Variants in PTPRG observed in about 807,000 individuals in gnomAD.
The protein encoded by PTPRG is receptor-type tyrosine-protein phosphatase gamma.
Under a neutral mutation model 165.3 loss-of-function variants are expected in PTPRG, and 102 were observed. That is an observed-to-expected ratio of 0.62 (90% confidence interval 0.53 to 0.73). PTPRG has a LOEUF of 0.73. PTPRG is among the 30% of genes least tolerant of loss of function. The probability of loss-of-function intolerance (pLI) is 0.00; values close to 1 mark genes in which losing one functional copy is unlikely to be tolerated. For missense variants in PTPRG, 1,866 were observed against 1,861.4 expected (o/e 1.00, Z -0.05); for synonymous variants, 675 against 669.5 (o/e 1.01, Z -0.13).
chr3:62,218,733 C>A, intron 12 of PTPRG, 118 bp from the exon 13 acceptor site: 2 of 1,350,082 alleles, frequency 1.5e-6, no homozygotes, highest in Non-Finnish European at 2.0e-6. Flanking sequence ...TGGGGCAGCT[C>A]AGAGCAAATG....
intron 5 of PTPRG, among the ~76,000 whole-genome samples, chr3:62,132,096 C>T (rs1366791161): frequency 3.9e-5 from 6 of 152,154 alleles, no homozygotes; most frequent in Admixed American, 2.6e-4. Context: ...TCTCTCCCCT[C>T]CTCTTCTGCT....
chr3:61,716,386 G>A (rs1181252481), intron 1 of PTPRG, among the ~76,000 whole-genome samples: 1 of 152,046 alleles, frequency 6.6e-6, no homozygotes, highest in Non-Finnish European at 1.5e-5. Context: ...TTATTACAAA[G>A]CAAAGACAAA....
At chr3:62,235,786 A>G (rs954403614) in intron 14 of PTPRG, among the ~76,000 whole-genome samples, 1 of 152,090 alleles carries the variant, frequency 6.6e-6, no homozygotes, top group South Asian at 2.1e-4. Flanking sequence ...TCGTTTTAGT[A>G]TCTGTTTCCT....
intron 1 of PTPRG, among the ~76,000 whole-genome samples, chr3:61,722,164 T>G (rs2032074678): frequency 6.6e-6 from 1 of 152,232 alleles, no homozygotes; most frequent in South Asian, 2.1e-4. Flanking sequence ...GTGAGGGCTT[T>G]CTTGCTCTGT....
chr3:61,661,332 T>A (rs113972252), intron 1 of PTPRG, among the ~76,000 whole-genome samples: 1,560 of 133,474 alleles, frequency 0.012, 18 homozygotes, highest in South Asian at 0.027. Context: ...TTTTTTTTTT[T>A]AAATTTTTAA....
intron 2 of PTPRG, among the ~76,000 whole-genome samples, chr3:61,854,036 C>T (rs539865240): frequency 3.3e-5 from 5 of 152,268 alleles, no homozygotes; most frequent in Admixed American, 6.5e-5. Flanking sequence ...CTCAGAGGAA[C>T]CGGTGGCCAT....
chr3:61,904,824 A>G (rs969047833), intron 2 of PTPRG, among the ~76,000 whole-genome samples: 1 of 152,262 alleles, frequency 6.6e-6, no homozygotes, highest in South Asian at 2.1e-4. Flanking sequence ...TCAGCCCAGT[A>G]ATTTTACCCT....
At chr3:61,966,715 T>C (rs917087579) in intron 2 of PTPRG, among the ~76,000 whole-genome samples, 9 of 152,104 alleles carry the variant, frequency 5.9e-5, no homozygotes, top group African/African-American at 2.2e-4. Context: ...GTGGGAACAA[T>C]GGGAAGCCAA....
Position 62,252,206 on chromosome 3 carries a change from T to A in PTPRG, c.2468-2918T>A, listed in dbSNP as rs1701434810. Among the ~76,000 whole-genome samples, 1 of 152,196 alleles carries A rather than the reference T, an allele frequency of 6.6e-6. No homozygotes were observed. Among genetic ancestry groups the A allele is most frequent in the African/African-American group, 2.4e-5 (1 of 41,458 alleles). Reference sequence around the variant, plus strand: ...TAGTCTTTATCACATAATTACACTGTTCTTGCTCTCCCTTGTGTTCATCTC... The same window carrying A: ...TAGTCTTTATCACATAATTACACTGATCTTGCTCTCCCTTGTGTTCATCTC... On this transcript the variant is annotated intron_variant, in intron 15 of 29. Coordinates refer to ENST00000474889, the MANE Select transcript of PTPRG (RefSeq NM_002841.4). This position sits in a 1 kb window ranked among gnomAD's most constrained non-coding sequence, Gnocchi z 4.6.
At chr3:61,565,179 A>G (rs1699876789) in intron 1 of PTPRG, among the ~76,000 whole-genome samples, 1 of 152,188 alleles carries the variant, frequency 6.6e-6, no homozygotes, top group South Asian at 2.1e-4. Context: ...CAGCCCTGGC[A>G]TGAGCTTTTT....
chr3:61,600,186 A>ATGTGTG lies in PTPRG; in HGVS notation c.85+37815_85+37816insGTGTGT, dbSNP rs1189934671. Among the ~76,000 whole-genome samples the ATGTGTG allele has an allele frequency of 3.7e-4, 43 of 116,062 alleles. 1 individual carries two copies. The South Asian group carries it at 0.01, about 27-fold the overall frequency. The allele number at this position is 116,062 out of a possible 152,430, so 76.1% of individuals were successfully genotyped here. On this transcript the variant is annotated intron_variant, in intron 1 of 29. Coordinates refer to ENST00000474889, the MANE Select transcript of PTPRG (RefSeq NM_002841.4). Reference sequence around the variant, plus strand: ...AAAAAAAAAAAAAATATATATATATATATATATGTGTGTGTGTGTGTGTGT... The same window carrying ATGTGTG: ...AAAAAAAAAAAAAATATATATATATATGTGTGTATATATGTGTGTGTGTGTGTGTGT...
At chr3:62,291,982 T>A (rs1277652634) in intron 28 of PTPRG, among the ~76,000 whole-genome samples, 1 of 152,182 alleles carries the variant, frequency 6.6e-6, no homozygotes, top group African/African-American at 2.4e-5. Context: ...TTTTTAAATT[T>A]TTCATATTCT....
chr3:61,739,026 T>A (rs2032881614), intron 1 of PTPRG: 2 of 142,394 alleles, frequency 1.4e-5, no homozygotes, highest in Non-Finnish European at 3.0e-5. Context: ...GGTCTTGCTT[T>A]GTTGCCTAGA....
chr3:62,272,022 T>A (rs964889832), intron 21 of PTPRG, among the ~76,000 whole-genome samples: 15 of 151,720 alleles, frequency 9.9e-5, no homozygotes, highest in Admixed American at 2.0e-4. Flanking sequence ...TTGAACCCAG[T>A]AGGTCAAGGC....
intron 2 of PTPRG, among the ~76,000 whole-genome samples, chr3:61,910,741 C>G (rs542555521): frequency 2.1e-4 from 32 of 152,238 alleles, no homozygotes; most frequent in African/African-American, 6.3e-4. Flanking sequence ...GCTGTTGATT[C>G]CCACCTGCTT....
In PTPRG at chr3:62,005,690, CTTTTTTTTTTTTTT is replaced by C. The variant is rs35487954; in HGVS notation, c.519+2208_519+2221del. On this transcript the variant is annotated intron_variant, in intron 4 of 29. Transcript: ENST00000474889. ...ATAACGTATCAAAGACATTAATATC[CTTTTTTTTTTTTTT>C]TTTTTTTTTTTTTTGAGATGGAGTC... 2.0e-4 allele frequency among the ~76,000 whole-genome samples: 12 copies of C among 60,336 alleles called. No homozygotes were observed. The South Asian group carries it at 9.7e-3, about 49-fold the overall frequency. The allele number at this position is 60,336 out of a possible 152,430, so 39.6% of individuals were successfully genotyped here.
chr3:61,638,772 G>A (rs1447931878), intron 1 of PTPRG, among the ~76,000 whole-genome samples: 1 of 151,596 alleles, frequency 6.6e-6, no homozygotes, highest in Non-Finnish European at 1.5e-5. Flanking sequence ...GTTGTTTTTT[G>A]CTTGTTCAGT....
intron 2 of PTPRG, chr3:61,749,860 A>C (rs2033361330): frequency 6.6e-6 from 1 of 152,222 alleles, no homozygotes; most frequent in Non-Finnish European, 1.5e-5. Context: ...GTATTATGCA[A>C]TGTTGTTGCA....
chr3:61,907,513 A>G (rs2038685516), intron 2 of PTPRG, among the ~76,000 whole-genome samples: 2 of 152,190 alleles, frequency 1.3e-5, no homozygotes, highest in Non-Finnish European at 2.9e-5. Flanking sequence ...GTGTGTTTTT[A>G]TGGAAGGTCC....
Sources: allele counts gnomAD v4.1 joint callset (sites outside exome capture counted in the v4.1 genomes callset), GRCh38; gene constraint gnomAD v4.1.1; non-coding constraint Gnocchi (gnomAD v3.1); transcripts MANE v1.5; gene names NCBI Gene and HGNC (gene_info 2026-07-23, HGNC 2026-07-21).